Variants in RGS3 observed in about 807,000 individuals in gnomAD.
RGS3 encodes regulator of G-protein signalling 3.
A neutral mutation model predicts 132.6 loss-of-function variants in RGS3; 80 were observed. The observed-to-expected ratio is 0.60, with a 90% CI of 0.50 to 0.73. RGS3 has a LOEUF of 0.73. Ranked by LOEUF, RGS3 falls within the 30% of genes least tolerant of loss-of-function variation. The pLI is 0.00. For missense variants in RGS3, 1,382 were observed against 1,530.8 expected, an observed-to-expected ratio of 0.90 and a Z score of 1.62; for synonymous variants, 598 against 620.6, an observed-to-expected ratio of 0.96 and a Z score of 0.54.
chr9:113,468,723 G>T (rs1342788986), intron 3 of RGS3, among the ~76,000 whole-genome samples: 2 of 152,026 alleles, frequency 1.3e-5, no homozygotes, highest in Non-Finnish European at 2.9e-5. Context: ...AACTTGCTTG[G>T]GATCTCTAGT....
chr9:113,573,039 A>T (rs1276639769), intron 19 of RGS3, among the ~76,000 whole-genome samples: 1 of 152,246 alleles, frequency 6.6e-6, no homozygotes, highest in Admixed American at 6.5e-5. Flanking sequence ...CTTATTGAGC[A>T]CTTACTAGGT....
chr9:113,596,007 C>T (rs116433789), intron 24 of RGS3, among the ~76,000 whole-genome samples: 2,205 of 152,346 alleles, frequency 0.014, 59 homozygotes, highest in African/African-American at 0.05. Flanking sequence ...TTTATGTATG[C>T]GTTCTCATGT....
intron 18 of RGS3, among the ~76,000 whole-genome samples, chr9:113,531,275 G>A (rs1258836168): frequency 3.9e-5 from 6 of 152,170 alleles, no homozygotes; most frequent in Admixed American, 2.6e-4. Flanking sequence ...TGGGCACATT[G>A]GTCAGGGACT....
chr9:113,594,060 C>T (rs772178851), intron 21 of RGS3: 26 of 1,612,914 alleles, frequency 1.6e-5, no homozygotes, highest in Non-Finnish European at 2.2e-5. Flanking sequence ...TTCCGCTCCC[C>T]CTCCTGGTCC....
chr9:113,489,819 C>T lies in RGS3; in HGVS notation c.689+4126C>T, dbSNP rs146137693. 2.2e-4 allele frequency among the ~76,000 whole-genome samples: 33 copies of T among 152,150 alleles called. No individual in the cohort carries two copies. The East Asian group carries it at 5.8e-3, about 27-fold the overall frequency. On this transcript the variant is annotated intron_variant, in intron 7 of 24. Transcript: ENST00000350696. Reference sequence around the variant, plus strand: ...TGCTAGGATTACAGACATGAGCTACCGCAGAATTTATAATGGAGTTTTATG... The same window carrying T: ...TGCTAGGATTACAGACATGAGCTACTGCAGAATTTATAATGGAGTTTTATG...
intron 19 of RGS3, among the ~76,000 whole-genome samples, chr9:113,551,145 C>T (rs139893346): frequency 1.3e-5 from 2 of 152,314 alleles, no homozygotes; most frequent in East Asian, 3.9e-4. Flanking sequence ...TCCTCCAACC[C>T]TAAGCGACCA....
At chr9:113,545,001 A>G (rs1352281665) in intron 19 of RGS3, among the ~76,000 whole-genome samples, 1 of 152,168 alleles carries the variant, frequency 6.6e-6, no homozygotes, top group African/African-American at 2.4e-5. Context: ...TCCAGAATGC[A>G]TTTTCCTGAG....
intron 24 of RGS3, among the ~76,000 whole-genome samples, chr9:113,595,967 A>C (rs1372103269): frequency 6.6e-6 from 1 of 152,248 alleles, no homozygotes; most frequent in African/African-American, 2.4e-5. Context: ...CCACCAAGGC[A>C]CTGCCGCATG....
chr9:113,498,302 C>T (rs1564488784), intron 10 of RGS3, among the ~76,000 whole-genome samples: 1 of 152,112 alleles, frequency 6.6e-6, no homozygotes, highest in Non-Finnish European at 1.5e-5. Flanking sequence ...AATGGCCAGG[C>T]CCCCACCTCT....
At chr9:113,582,348 A>G (rs1834865112) in intron 19 of RGS3, 2 of 398,656 alleles carry the variant, frequency 5.0e-6, no homozygotes, top group Admixed American at 6.4e-5. Context: ...TTACCCCTGA[A>G]GTTTTCTGCC....
intron 17 of RGS3, among the ~76,000 whole-genome samples, chr9:113,523,512 C>T (rs1404703142): frequency 6.6e-6 from 1 of 152,144 alleles, no homozygotes; most frequent in Non-Finnish European, 1.5e-5. Flanking sequence ...TTGTTGCCAC[C>T]CACTCACCCC....
chr9:113,565,472 A>C lies in RGS3; in HGVS notation c.2038-17978A>C. ...CAAGGGTTTTGAAAGCGCTACCTAG[A>C]TGTGGGAGGTGGAACCTGGTCATTT... On this transcript the variant is annotated intron_variant, in intron 19 of 24. Coordinates refer to ENST00000350696, the Ensembl canonical transcript of RGS3. This position sits in a 1 kb window ranked among gnomAD's most constrained non-coding sequence, Gnocchi z 5.7. 3.1e-6 allele frequency: 3 copies of C among 965,074 alleles called. No homozygotes were observed. Among genetic ancestry groups the C allele is most frequent in the South Asian group, 1.4e-5 (1 of 72,282 alleles). The allele number at this position is 965,074 out of a possible 1,614,324, so 59.8% of individuals were successfully genotyped here.
intron 7 of RGS3, among the ~76,000 whole-genome samples, chr9:113,487,796 A>G (rs1253136422): frequency 6.6e-6 from 1 of 152,168 alleles, no homozygotes; most frequent in Non-Finnish European, 1.5e-5. Flanking sequence ...TCTTTGGAGT[A>G]TGGGGTTTCT....
intron 3 of RGS3, among the ~76,000 whole-genome samples, chr9:113,477,187 G>C (rs867644596): frequency 6.6e-6 from 1 of 152,136 alleles, no homozygotes; most frequent in Non-Finnish European, 1.5e-5. Context: ...TCACCTGCCA[G>C]CATTATCTGA....
At chr9:113,462,181 A>G in exon 3 of RGS3, 1 of 1,613,960 alleles carries the variant, frequency 6.2e-7, no homozygotes, top group East Asian at 2.2e-5. Context: ...AGGATCACGC[A>G]TGCCAAAGTC....
At position 113,463,603 on chromosome 9, in the gene RGS3, A is replaced by G; in HGVS notation, c.415+1402A>G. ...GGCGCCGCCTCCCCCACCCCGGCCC[A>G]GCTCTGCTCCGGCAGGTGGAACTCT... is the stretch of plus-strand genomic sequence containing the variant. On this transcript the variant is annotated intron_variant, in intron 3 of 24. Coordinates refer to ENST00000350696, the Ensembl canonical transcript of RGS3. This position sits in a 1 kb window ranked among gnomAD's most constrained non-coding sequence, Gnocchi z 4.6. 3.7e-6 allele frequency: 2 copies of G among 535,164 alleles called. No individual in the cohort carries two copies. The highest frequency in any genetic ancestry group is 2.2e-5 in the African/African-American group (1 of 45,848). 33.2% of individuals were successfully genotyped at this position (535,164 alleles called of 1,614,324 possible).
chr9:113,453,195 C>CTCATTATATGATTAT (rs1564437884), intron 1 of RGS3, among the ~76,000 whole-genome samples: 10 of 92,594 alleles, frequency 1.1e-4, no homozygotes, highest in African/African-American at 3.0e-4. Flanking sequence ...TATATGATTA[C>CTCATTATATGATTAT]ATAATATACT....
At position 113,513,228 on chromosome 9, in the gene RGS3, G is replaced by A. The variant is rs77459685; in HGVS notation, c.1478-1230G>A. 1.1e-3 allele frequency among the ~76,000 whole-genome samples: 164 copies of A among 152,214 alleles called. 1 individual carries two copies. In the East Asian group the frequency reaches 0.028, roughly 26 times the overall value. The stretch of plus-strand genomic sequence containing the variant: ...CAAACAAAAAAACAACAACAAAAAC[G>A]TGTGCACCACCCCTTGTTCAGGGTG... On this transcript the variant is annotated intron_variant, in intron 14 of 24. Coordinates refer to ENST00000350696, the Ensembl canonical transcript of RGS3.
At chr9:113,594,825 C>A (rs1238722012) in intron 22 of RGS3, 94 bp from the exon 21 acceptor site, 3 of 1,223,110 alleles carry the variant, frequency 2.5e-6, no homozygotes, top group African/African-American at 3.0e-5. Context: ...GCAGACTGGG[C>A]CCAGGGCAGT....
Sources: gnomAD v4.1 joint callset for allele counts (sites outside exome capture counted in the v4.1 genomes callset) on GRCh38, gnomAD v4.1.1 for gene constraint, Gnocchi (gnomAD v3.1) non-coding constraint, MANE v1.5 for transcripts, NCBI Gene and HGNC (gene_info 2026-07-23, HGNC 2026-07-21) for gene names.